Variants in PLA2R1 observed in about 807,000 individuals in gnomAD.
PLA2R1 encodes phospholipase A2 receptor 1, also known as secretory phospholipase A2 receptor.
In PLA2R1, 158 loss-of-function variants were observed where a neutral mutation model predicts 195.9. The observed-to-expected ratio is 0.81, with a 90% CI of 0.71 to 0.92. The LOEUF is 0.92. Among genes scored for constraint, PLA2R1 ranks in the 40% least tolerant of loss-of-function variants. PLA2R1 has a pLI of 0.00. For missense variants in PLA2R1, 1,626 were observed against 1,764.6 expected (o/e 0.92, Z 1.41); for synonymous variants, 586 against 598.2 (o/e 0.98, Z 0.30).
At chr2:159,979,167 C>T (rs28526053) in intron 14 of PLA2R1, among the ~76,000 whole-genome samples, 418 of 152,204 alleles carry the variant, frequency 2.7e-3, no homozygotes, top group African/African-American at 9.4e-3. Flanking sequence ...TTTCATGTGC[C>T]GTAGGATGGA....
chr2:159,967,167 A>G (rs6432572), intron 20 of PLA2R1, among the ~76,000 whole-genome samples: 45,942 of 152,018 alleles, frequency 0.3, 8,714 homozygotes, highest in Non-Finnish European at 0.41. Context: ...AGGCACATAC[A>G]TACACGTGCA....
intron 14 of PLA2R1, among the ~76,000 whole-genome samples, chr2:159,978,939 C>A (rs1210471872): frequency 1.3e-5 from 2 of 152,160 alleles, no homozygotes; most frequent in Admixed American, 6.5e-5. Flanking sequence ...AACCTGTGTG[C>A]AAATCCTGGC....
intron 23 of PLA2R1, among the ~76,000 whole-genome samples, chr2:159,954,711 T>C (rs1387366589): frequency 1.3e-5 from 2 of 152,078 alleles, no homozygotes; most frequent in East Asian, 1.9e-4. Flanking sequence ...TGTTGGCTAT[T>C]TGTAATAGTG....
chr2:160,039,426 GTA>G (rs1694384336), intron 3 of PLA2R1, among the ~76,000 whole-genome samples: 1 of 151,998 alleles, frequency 6.6e-6, no homozygotes, highest in Non-Finnish European at 1.5e-5. Context: ...TAGTATATTT[GTA>G]TATGTGTTTA....
intron 13 of PLA2R1, 135 bp from the exon 14 acceptor site, chr2:159,980,049 C>T (rs1689841727): frequency 2.4e-6 from 1 of 413,238 alleles, no homozygotes; most frequent in Non-Finnish European, 4.4e-6. Context: ...TACCCTAAAA[C>T]TTAAAGTATA....
chr2:160,000,296 T>C (rs1309176959), intron 11 of PLA2R1, among the ~76,000 whole-genome samples: 1 of 152,174 alleles, frequency 6.6e-6, no homozygotes, highest in African/African-American at 2.4e-5. Flanking sequence ...GAGTGAATAA[T>C]AAGAAAAGAA....
intron 20 of PLA2R1, among the ~76,000 whole-genome samples, chr2:159,964,930 G>A (rs1298390612): frequency 6.6e-6 from 1 of 152,000 alleles, no homozygotes. Context: ...GGGAGGCTGA[G>A]GCAAGAGAAT....
chr2:160,036,183 C>A lies in PLA2R1; in HGVS notation c.668-3051G>T, dbSNP rs984884660. ...CTATAACTTCCAAATACATAGAGAC[C>A]ATTACATCTACCTACCTAGTCCACA... On this transcript the variant is annotated intron_variant, in intron 3 of 29. Transcript: ENST00000283243. 3.3e-5 allele frequency among the ~76,000 whole-genome samples: 5 copies of A among 152,276 alleles called. No homozygotes were observed. The South Asian group carries it at 6.2e-4, about 19-fold the overall frequency.
chr2:159,985,104 C>G (rs1269395081), intron 12 of PLA2R1, among the ~76,000 whole-genome samples: 1 of 152,202 alleles, frequency 6.6e-6, no homozygotes, highest in Non-Finnish European at 1.5e-5. Flanking sequence ...GACCAGAAGT[C>G]CTAAACCAGG....
chr2:159,958,288 A>T (rs1356507947), intron 20 of PLA2R1, among the ~76,000 whole-genome samples: 3 of 151,988 alleles, frequency 2.0e-5, no homozygotes, highest in African/African-American at 7.2e-5. Context: ...GCCATGTGAC[A>T]TGCTGGTTCC....
rs546577687 is a variant in PLA2R1, at chr2:159,978,898, ATAT to A, written c.2268+929_2268+931del. 1.2e-3 allele frequency among the ~76,000 whole-genome samples: 185 copies of A among 152,246 alleles called. No homozygotes were observed. The South Asian group carries it at 0.016, about 13-fold the overall frequency. Reference sequence around the variant, plus strand: ...CTACTGATATTTTGCCAATCATGAGATATTATAACATTGTGACTTTGGAGTCAG... The same window carrying A: ...CTACTGATATTTTGCCAATCATGAGATATAACATTGTGACTTTGGAGTCAG... On this transcript the variant is annotated intron_variant, in intron 14 of 29. Transcript: ENST00000283243.
chr2:159,955,728 A>G lies in PLA2R1; in HGVS notation c.3123T>C (p.Tyr1041=). The G allele has an allele frequency of 6.4e-7, 1 of 1,571,934 alleles. No homozygotes were observed. The highest frequency in any genetic ancestry group is 8.7e-7 in the Non-Finnish European group (1 of 1,148,346). Residue 1041 remains tyrosine, a synonymous_variant, in exon 22 of 30, where the codon TAT becomes TAC. Coordinates refer to ENST00000283243, the MANE Select transcript of PLA2R1 (RefSeq NM_007366.5). The part of the protein sequence containing the change: ...ETWLNGKPVV[Y]SNWSPFDIIN... ...TTATATCAAATGGAGACCAGTTAGA[A>G]TATACCACAGGCTTTCCATTTAGCC...
chr2:159,945,660 C>T lies in PLA2R1; in HGVS notation c.3968-578G>A, dbSNP rs180840496. Among the ~76,000 whole-genome samples, 10 of 152,136 alleles carry T rather than the reference C, an allele frequency of 6.6e-5. No homozygotes were observed. The East Asian group carries it at 1.9e-3, about 29-fold the overall frequency. Reference sequence around the variant, plus strand: ...TGTGAATAGTGCCGCAATAAACATACGTGTGTATGTGTCTTTATAGCAGCA... The same window carrying T: ...TGTGAATAGTGCCGCAATAAACATATGTGTGTATGTGTCTTTATAGCAGCA... On this transcript the variant is annotated intron_variant, in intron 27 of 29. Coordinates refer to ENST00000283243, the MANE Select transcript of PLA2R1 (RefSeq NM_007366.5).
chr2:160,010,671 T>C (rs972403831), intron 10 of PLA2R1, among the ~76,000 whole-genome samples: 9 of 152,214 alleles, frequency 5.9e-5, no homozygotes, highest in African/African-American at 2.2e-4. Flanking sequence ...ACACTTTCCA[T>C]CTACTGCCCA....
At chr2:160,060,052 C>T (rs906186264) in intron 1 of PLA2R1, among the ~76,000 whole-genome samples, 1 of 152,140 alleles carries the variant, frequency 6.6e-6, no homozygotes, top group Non-Finnish European at 1.5e-5. Flanking sequence ...CATCTGCCTC[C>T]CAAGGCTGGC....
At chr2:159,926,073 T>G in the PLA2R1 span, among the ~76,000 whole-genome samples, 1 of 152,206 alleles carries the variant, frequency 6.6e-6, no homozygotes, top group East Asian at 1.9e-4. Context: ...CGTAAAAAGC[T>G]TCAAGCTTTT....
chr2:159,934,888 C>T lies in PLA2R1; in HGVS notation c.*6890G>A, dbSNP rs769069994. 7 of 152,136 alleles carry T rather than the reference C, an allele frequency of 4.6e-5. No homozygotes were observed. Among genetic ancestry groups the T allele is most frequent in the Non-Finnish European group, 1.0e-4 (7 of 68,032 alleles). The allele number at this position is 152,136 out of a possible 1,614,324, so 9.4% of individuals were successfully genotyped here. ...TACTTTCCCATTTTCCCATAATGACCATTTTCTGTTCCATGATCCATTTGA... is the reference window on the plus strand; with the variant it reads ...TACTTTCCCATTTTCCCATAATGACTATTTTCTGTTCCATGATCCATTTGA... On this transcript the variant is annotated 3_prime_UTR_variant, in exon 30 of 30. Coordinates refer to ENST00000283243, the MANE Select transcript of PLA2R1 (RefSeq NM_007366.5).
At chr2:160,029,476 G>A (rs1025035921) in intron 4 of PLA2R1, among the ~76,000 whole-genome samples, 2 of 152,174 alleles carry the variant, frequency 1.3e-5, no homozygotes, top group Admixed American at 6.5e-5. Context: ...GGGACCTAAG[G>A]CTGTGTGCAG....
chr2:159,976,027 G>T (rs1308621835), intron 17 of PLA2R1, 41 bp downstream of exon 17: 5 of 1,445,262 alleles, frequency 3.5e-6, no homozygotes, highest in Non-Finnish European at 4.8e-6. Flanking sequence ...AAAAGAAGGT[G>T]CTAAACTCTG....
Sources: gnomAD v4.1 joint callset for allele counts (sites outside exome capture counted in the v4.1 genomes callset) on GRCh38, gnomAD v4.1.1 for gene constraint, MANE v1.5 for transcripts, NCBI Gene and HGNC (gene_info 2026-07-23, HGNC 2026-07-21) for gene names.